The following WRN variants were observed in gnomAD, a reference collection of about 807,000 sequenced individuals.
WRN encodes the protein bifunctional 3'-5' exonuclease/ATP-dependent helicase WRN.
A neutral mutation model predicts 180.7 loss-of-function variants in WRN; 149 were observed. The ratio of observed to expected loss-of-function variants is 0.82; its 90% CI spans 0.72 to 0.94. The LOEUF is 0.94. Ranked by LOEUF, WRN falls within the 40% of genes least tolerant of loss-of-function variation. WRN has a pLI of 0.00. For missense variants in WRN, 1,661 were observed against 1,700.1 expected (o/e 0.98, Z 0.40); for synonymous variants, 548 against 568.9 (o/e 0.96, Z 0.52).
intron 1 of WRN, among the ~76,000 whole-genome samples, chr8:31,049,683 A>T (rs1812013231): frequency 6.6e-6 from 1 of 152,128 alleles, no homozygotes; most frequent in South Asian, 2.1e-4. Context: ...ATTAGCTGTC[A>T]GTGAATTTAT....
chr8:31,116,721 G>T (rs1034586017), intron 20 of WRN, among the ~76,000 whole-genome samples, 193 bp downstream of exon 20: 1 of 152,230 alleles, frequency 6.6e-6, no homozygotes, highest in South Asian at 2.1e-4. Flanking sequence ...GGTGCACAGA[G>T]GAGGGAGGAA....
chr8:31,059,260 T>C lies in WRN; in HGVS notation c.204T>C (p.Asp68=). Residue 68 remains aspartate (D), a synonymous_variant, in exon 3 of 35, where the codon GAT becomes GAC. Transcript: ENST00000298139. ...GTGATTGCTCTTTCCTGTCAGAAGA[T>C]ATTAGGTAAGTGATTTGAATTTCCT... ...DASDCSFLSE[D]ISMSLSDGDV... The C allele has an allele frequency of 6.2e-7, 1 of 1,611,168 alleles. No individual in the cohort carries two copies. The highest frequency in any genetic ancestry group is 8.5e-7 in the Non-Finnish European group (1 of 1,177,430).
intron 1 of WRN, among the ~76,000 whole-genome samples, chr8:31,043,263 C>T (rs1467511224): frequency 2.0e-5 from 3 of 152,118 alleles, no homozygotes; most frequent in East Asian, 1.9e-4. Context: ...AGGAGAGTCC[C>T]GAAATTTGTT....
At chr8:31,041,611 G>T (rs1811660193) in intron 1 of WRN, among the ~76,000 whole-genome samples, 2 of 152,194 alleles carry the variant, frequency 1.3e-5, no homozygotes, top group South Asian at 4.1e-4. Flanking sequence ...ATTCATTTTT[G>T]ATTGCTTCTA....
chr8:31,155,065 A>G (rs1803325030), intron 32 of WRN, among the ~76,000 whole-genome samples: 1 of 152,218 alleles, frequency 6.6e-6, no homozygotes, highest in South Asian at 2.1e-4. Context: ...CAGTTTAAAA[A>G]CTATAAATAT....
intron 34 of WRN, 123 bp from the exon 35 acceptor site, chr8:31,172,872 A>G (rs1804153744): frequency 1.3e-6 from 1 of 760,762 alleles, no homozygotes. Flanking sequence ...AGATACCACT[A>G]TTTTGTTTGG....
intron 7 of WRN, among the ~76,000 whole-genome samples, chr8:31,074,049 T>C (rs989326832): frequency 6.6e-6 from 1 of 151,808 alleles, no homozygotes; most frequent in Admixed American, 6.6e-5. Context: ...CCGGAGTAGC[T>C]GGGACTACGG....
intron 34 of WRN, 95 bp downstream of exon 34, chr8:31,167,325 TTC>T (rs1803939537): frequency 4.0e-6 from 4 of 1,012,332 alleles, no homozygotes; most frequent in Non-Finnish European, 5.9e-6. Context: ...CTGTTATGAA[TTC>T]TGATATGATT....
intron 21 of WRN, among the ~76,000 whole-genome samples, chr8:31,121,840 A>G (rs1801736859): frequency 6.6e-6 from 1 of 151,952 alleles, no homozygotes. Flanking sequence ...TGTACATAAC[A>G]ATTCTTGTTT....
intron 33 of WRN, among the ~76,000 whole-genome samples, chr8:31,162,355 G>A (rs1286854948): frequency 6.6e-6 from 1 of 151,768 alleles, no homozygotes; most frequent in Non-Finnish European, 1.5e-5. Flanking sequence ...AGGCCTACAT[G>A]GGCTCAGGAT....
In WRN at chr8:31,083,694, T is replaced by A. The variant is rs1348438150; in HGVS notation, c.1270-5T>A. The A allele has an allele frequency of 6.2e-7, 1 of 1,609,572 alleles. No individual in the cohort carries two copies. Among genetic ancestry groups the A allele is most frequent in the East Asian group, 2.2e-5 (1 of 44,654 alleles). On this transcript the variant is annotated splice_region_variant and splice_polypyrimidine_tract_variant and intron_variant, in intron 9 of 34. Transcript: ENST00000298139. ...GGAAATTAATGCTTAATACTTTTTT[T>A]AAAGCATTTATCTCCCAATGATAAT...
chr8:31,066,185 A>G (rs933134157), intron 5 of WRN, among the ~76,000 whole-genome samples: 1 of 148,680 alleles, frequency 6.7e-6, no homozygotes, highest in African/African-American at 2.5e-5. Flanking sequence ...GCCGGCAGAC[A>G]GTTTCTTTTT....
intron 9 of WRN, among the ~76,000 whole-genome samples, chr8:31,081,514 G>C (rs911673877): frequency 1.3e-5 from 2 of 152,172 alleles, no homozygotes; most frequent in African/African-American, 4.8e-5. Flanking sequence ...TACAGATAGT[G>C]GGCCACATTT....
At chr8:31,042,252 G>A (rs547725341) in intron 1 of WRN, among the ~76,000 whole-genome samples, 1 of 152,158 alleles carries the variant, frequency 6.6e-6, no homozygotes, top group Non-Finnish European at 1.5e-5. Context: ...GATCACTGGA[G>A]GAGGGCTGGT....
intron 12 of WRN, 42 bp downstream of exon 12, chr8:31,087,962 C>T (rs757473137): frequency 1.9e-6 from 3 of 1,596,972 alleles, no homozygotes; most frequent in Non-Finnish European, 2.6e-6. Context: ...CCTGTGATAC[C>T]TACCACTGAC....
chr8:31,166,478 A>C (rs1803867203), intron 33 of WRN, among the ~76,000 whole-genome samples: 1 of 152,154 alleles, frequency 6.6e-6, no homozygotes, highest in African/African-American at 2.4e-5. Context: ...GTTCCCAGAA[A>C]TCTCATCTAG....
chr8:31,068,854 G>A (rs1812806545), intron 7 of WRN, among the ~76,000 whole-genome samples: 1 of 152,118 alleles, frequency 6.6e-6, no homozygotes, highest in Non-Finnish European at 1.5e-5. Flanking sequence ...TAATGGTCAT[G>A]TCATCCAACC....
intron 31 of WRN, among the ~76,000 whole-genome samples, chr8:31,153,985 C>A (rs1006938812): frequency 6.6e-6 from 1 of 152,012 alleles, no homozygotes; most frequent in African/African-American, 2.4e-5. Flanking sequence ...CTGTTTTCAT[C>A]TACCTTTTAT....
In WRN at chr8:31,037,785, G is replaced by A. The variant is rs368612419; in HGVS notation, c.-77+3812G>A. 2.0e-5 allele frequency among the ~76,000 whole-genome samples: 3 copies of A among 152,118 alleles called. No homozygotes were observed. In the East Asian group the frequency reaches 5.8e-4, roughly 29 times the overall value. On this transcript the variant is annotated intron_variant, in intron 1 of 34. Transcript: ENST00000298139. Reference sequence around the variant, plus strand: ...CAGTACCGTGCTGTTTTAATTACTAGAGTTTAGTATATTTTGAAGTCAGGT... The same window carrying A: ...CAGTACCGTGCTGTTTTAATTACTAAAGTTTAGTATATTTTGAAGTCAGGT...
Sources: allele counts gnomAD v4.1 joint callset (sites outside exome capture counted in the v4.1 genomes callset), GRCh38; gene constraint gnomAD v4.1.1; transcripts MANE v1.5; gene names NCBI Gene and HGNC (gene_info 2026-07-23, HGNC 2026-07-21).